Variants in PHACTR2 observed in about 807,000 individuals in gnomAD.
PHACTR2 encodes the protein phosphatase and actin regulator 2, also known as chromosome 6 open reading frame 56.
PHACTR2 carries 30 observed loss-of-function variants against 76.0 expected under a neutral mutation model. The observed-to-expected ratio is 0.39, with a 90% CI of 0.30 to 0.54. PHACTR2 has a LOEUF of 0.54. PHACTR2 is among the 20% of genes least tolerant of loss of function. PHACTR2 has a pLI of 0.61. For missense variants in PHACTR2, 696 were observed against 781.1 expected (o/e 0.89, Z 1.30); for synonymous variants, 292 against 292.5 (o/e 1.00, Z 0.02).
intron 1 of PHACTR2, among the ~76,000 whole-genome samples, chr6:143,609,382 G>A (rs1300675155): frequency 6.6e-6 from 1 of 150,496 alleles, no homozygotes; most frequent in Non-Finnish European, 1.5e-5. Context: ...TGCCATTGAA[G>A]ATATTGAAAT....
chr6:143,576,683 C>A (rs1743449705), intron 1 of PHACTR2, among the ~76,000 whole-genome samples: 1 of 152,004 alleles, frequency 6.6e-6, no homozygotes, highest in Admixed American at 6.6e-5. Flanking sequence ...TCGAGACCAG[C>A]CTGGCCAACA....
At position 143,639,123 on chromosome 6, in the gene PHACTR2, A is replaced by T. The variant is rs575789638; in HGVS notation, c.13+30801A>T. Among the ~76,000 whole-genome samples, 1 of 152,354 alleles carries T rather than the reference A, an allele frequency of 6.6e-6. No homozygotes were observed. Among genetic ancestry groups the T allele is most frequent in the East Asian group, 1.9e-4 (1 of 5,188 alleles). ...ACATACTTATGCATAATTTTTTAAC[A>T]GTGTCCAATATTCTTCTGAATTATT... On this transcript the variant is annotated intron_variant, in intron 1 of 11. Coordinates refer to the PHACTR2 transcript ENST00000305766. This position sits in a 1 kb window ranked among gnomAD's most constrained non-coding sequence, Gnocchi z 5.0.
rs1017123881 is a variant in PHACTR2 at position 143,649,597 on chromosome 6, A to G, written c.13+41275A>G. On this transcript the variant is annotated intron_variant, in intron 1 of 11. Coordinates refer to the PHACTR2 transcript ENST00000305766. ...ACAGAACTAAAGACAAAAAAACCAC[A>G]TGATTATCTCAATAGATGCAGAAAA... Among the ~76,000 whole-genome samples, 5 of 152,262 alleles carry G rather than the reference A, an allele frequency of 3.3e-5. No individual in the cohort carries two copies. In the South Asian group the frequency reaches 1.0e-3, roughly 31 times the overall value.
rs61743003 is a variant in PHACTR2, at chr6:143,765,571, C to T, written c.1005C>T (p.Val335=). ...EQNTGKFKSM[V]PPPPVAPAPS... ...ACACAGGCAAATTCAAGTCCATGGT[C>T]CCTCCACCCCCTGTGGCTCCAGCAC... Residue 335 remains valine, a synonymous_variant, in exon 6 of 13, where the codon GTC becomes GTT. Transcript: ENST00000440869. The surrounding 1 kb of genome is among the most constrained non-coding windows in gnomAD (Gnocchi z 4.1). The T allele has an allele frequency of 1.1e-3, 1,804 of 1,614,046 alleles. 18 individuals carry two copies. In the African/African-American group the frequency reaches 0.021, roughly 19 times the overall value.
chr6:143,637,005 A>G (rs1244693161), intron 1 of PHACTR2, among the ~76,000 whole-genome samples: 1 of 152,200 alleles, frequency 6.6e-6, no homozygotes, highest in Admixed American at 6.5e-5. Flanking sequence ...TCACCATTAG[A>G]TGCTCTCAAT....
intron 2 of PHACTR2, among the ~76,000 whole-genome samples, chr6:143,713,890 C>T (rs1009325512): frequency 1.3e-5 from 2 of 152,144 alleles, no homozygotes; most frequent in East Asian, 3.9e-4. Context: ...AAGATGGGAG[C>T]AGGGCTCCAG....
intron 1 of PHACTR2, among the ~76,000 whole-genome samples, chr6:143,593,603 T>G (rs1286413798): frequency 6.6e-6 from 1 of 152,210 alleles, no homozygotes. Context: ...AAGTAAAACC[T>G]AATTTTATCT....
At chr6:143,584,808 G>A (rs1775609002) in intron 1 of PHACTR2, among the ~76,000 whole-genome samples, 1 of 152,040 alleles carries the variant, frequency 6.6e-6, no homozygotes, top group South Asian at 2.1e-4. Context: ...CTGAGTTCGG[G>A]TCAGAAGTTT....
chr6:143,806,193 C>T lies in PHACTR2; in HGVS notation c.1846-864C>T, dbSNP rs1027276946. On this transcript the variant is annotated intron_variant, in intron 11 of 12. Transcript: ENST00000440869. This position sits in a 1 kb window ranked among gnomAD's most constrained non-coding sequence, Gnocchi z 5.8. ...TTTGTTAACAGATAACTAATGTTAA[C>T]ATTTCAGTCTGAATGGCGTAAGCAT... is the stretch of plus-strand genomic sequence containing the variant. 1.3e-5 allele frequency among the ~76,000 whole-genome samples: 2 copies of T among 152,168 alleles called. No homozygotes were observed. Among genetic ancestry groups the T allele is most frequent in the East Asian group, 1.9e-4 (1 of 5,198 alleles).
In PHACTR2 at chr6:143,777,208, G is replaced by C. The variant is rs1453848016; in HGVS notation, c.1590-120G>C. 6.9e-6 allele frequency: 4 copies of C among 577,552 alleles called. No homozygotes were observed. The highest frequency in any genetic ancestry group is 1.2e-5 in the Non-Finnish European group (4 of 331,146). The allele number at this position is 577,552 out of a possible 1,614,324, so 35.8% of individuals were successfully genotyped here. The stretch of plus-strand genomic sequence containing the variant: ...ATGGGAAGGAGACTTTTATTTTGCA[G>C]CTTTAAAAATGGATTTTTATTTCTC... On this transcript the variant is annotated intron_variant, in intron 8 of 12. Coordinates refer to ENST00000440869, the MANE Select transcript of PHACTR2 (RefSeq NM_001100164.2). The surrounding 1 kb of genome is among the most constrained non-coding windows in gnomAD (Gnocchi z 4.6).
At chr6:143,737,468 A>G (rs561172007) in intron 2 of PHACTR2, among the ~76,000 whole-genome samples, 1 of 152,094 alleles carries the variant, frequency 6.6e-6, no homozygotes, top group Admixed American at 6.5e-5. Context: ...GAAATATTCT[A>G]TTATATATAG....
upstream of PHACTR2, among the ~76,000 whole-genome samples, chr6:143,604,492 C>T (rs551228683): frequency 5.6e-4 from 86 of 152,256 alleles, no homozygotes; most frequent in Middle Eastern, 3.4e-3. Flanking sequence ...CCCCTGGGCT[C>T]GAATTTCAGT....
Position 143,562,669 on chromosome 6 carries a change from A to T in PHACTR2, c.217+25462A>T, listed in dbSNP as rs1175548173. ...AATTTATGTATATACAATTCATGCC[A>T]CAGACTCTCATTGTGAAAGAAAAAA... On this transcript the variant is annotated intron_variant, in intron 1 of 11. Coordinates refer to the PHACTR2 transcript ENST00000367584. This position sits in a 1 kb window ranked among gnomAD's most constrained non-coding sequence, Gnocchi z 5.1. 6.6e-6 allele frequency among the ~76,000 whole-genome samples: 1 copy of T among 152,222 alleles called. No homozygotes were observed. The highest frequency in any genetic ancestry group is 2.4e-5 in the African/African-American group (1 of 41,452).
intron 2 of PHACTR2, among the ~76,000 whole-genome samples, chr6:143,734,049 A>G (rs1006660327): frequency 6.6e-6 from 1 of 152,104 alleles, no homozygotes; most frequent in Non-Finnish European, 1.5e-5. Context: ...ATCTTTTTAT[A>G]CATAGGTGGA....
At chr6:143,565,706 G>A (rs762248037) in intron 1 of PHACTR2, among the ~76,000 whole-genome samples, 1 of 152,064 alleles carries the variant, frequency 6.6e-6, no homozygotes, top group Non-Finnish European at 1.5e-5. Flanking sequence ...AGTGAACAGA[G>A]TCCTGGAGCA....
In PHACTR2 at chr6:143,546,793, AG is replaced by A. The variant is rs1336114964; in HGVS notation, c.217+9588del. On this transcript the variant is annotated intron_variant, in intron 1 of 11. Coordinates refer to the PHACTR2 transcript ENST00000367584. This position sits in a 1 kb window ranked among gnomAD's most constrained non-coding sequence, Gnocchi z 4.9. ...GTAATCCCAACATTTTGGGAGGTGG[AG>A]GCAGAAGGATTGCTTGAGTCCAGGA... is the stretch of plus-strand genomic sequence containing the variant. 6.6e-6 allele frequency among the ~76,000 whole-genome samples: 1 copy of A among 151,930 alleles called. No individual in the cohort carries two copies. The highest frequency in any genetic ancestry group is 2.4e-5 in the African/African-American group (1 of 41,358).
At position 143,589,995 on chromosome 6, in the gene PHACTR2, A is replaced by C. The variant is rs1351999096; in HGVS notation, c.217+52788A>C. Among the ~76,000 whole-genome samples the C allele has an allele frequency of 2.0e-5, 3 of 152,212 alleles. No individual in the cohort carries two copies. The highest frequency in any genetic ancestry group is 4.4e-5 in the Non-Finnish European group (3 of 68,038). The stretch of plus-strand genomic sequence containing the variant: ...GTCTAAAAATATAATGATCATGCCC[A>C]GGTTGAATTTATTACAGAATATTAT... On this transcript the variant is annotated intron_variant, in intron 1 of 11. Coordinates refer to the PHACTR2 transcript ENST00000367584. The surrounding 1 kb of genome is among the most constrained non-coding windows in gnomAD (Gnocchi z 4.4).
intron 2 of PHACTR2, among the ~76,000 whole-genome samples, chr6:143,718,861 G>T (rs1441789050): frequency 2.0e-5 from 3 of 151,234 alleles, no homozygotes; most frequent in Non-Finnish European, 4.4e-5. Context: ...CTAAGAAGTT[G>T]GAAAGTTGGA....
chr6:143,792,324 T>G (rs913541767), intron 11 of PHACTR2, among the ~76,000 whole-genome samples: 2 of 152,156 alleles, frequency 1.3e-5, no homozygotes, highest in African/African-American at 4.8e-5. Context: ...TGTTTTTCAA[T>G]AGAAGAGTTA....
Sources: gnomAD v4.1 joint callset for allele counts (sites outside exome capture counted in the v4.1 genomes callset) on GRCh38, gnomAD v4.1.1 for gene constraint, Gnocchi (gnomAD v3.1) non-coding constraint, MANE v1.5 for transcripts, NCBI Gene and HGNC (gene_info 2026-07-23, HGNC 2026-07-21) for gene names.